CSMD1: variants seen among roughly 807,000 people sequenced by gnomAD.
CSMD1 encodes the protein CUB and Sushi multiple domains 1.
Under a neutral mutation model 417.5 loss-of-function variants are expected in CSMD1, and 213 were observed. The ratio of observed to expected loss-of-function variants is 0.51; its 90% CI spans 0.46 to 0.57. The LOEUF is 0.57. Among genes scored for constraint, CSMD1 ranks in the 20% least tolerant of loss-of-function variants. The pLI, the probability that CSMD1 is intolerant of heterozygous loss-of-function variation, is 0.00. For synonymous variants in CSMD1, 2,862 were observed against 1,736.8 expected (o/e 1.65, Z -16.11); for missense variants, 6,923 against 4,529.7 (o/e 1.53, Z -15.17).
intron 6 of CSMD1, among the ~76,000 whole-genome samples, chr8:3,737,265 T>G (rs995912223): frequency 1.3e-5 from 2 of 152,204 alleles, no homozygotes; most frequent in African/African-American, 4.8e-5. Flanking sequence ...TAATGGCCTA[T>G]AAGTTTATCT....
chr8:4,407,377 T>C (rs891436094), intron 3 of CSMD1, among the ~76,000 whole-genome samples: 1 of 152,246 alleles, frequency 6.6e-6, no homozygotes, highest in East Asian at 1.9e-4. Context: ...ATGACTCTTG[T>C]TTAACAGGCT....
At chr8:4,852,917 A>T (rs1161899972) in intron 1 of CSMD1, among the ~76,000 whole-genome samples, 1 of 152,150 alleles carries the variant, frequency 6.6e-6, no homozygotes, top group Non-Finnish European at 1.5e-5. Flanking sequence ...CTTAAGAATG[A>T]TGAGAGGGTA....
intron 7 of CSMD1, among the ~76,000 whole-genome samples, chr8:3,663,130 A>G (rs1453681585): frequency 3.3e-5 from 5 of 152,194 alleles, no homozygotes; most frequent in African/African-American, 9.7e-5. Flanking sequence ...TGGGGGCCTC[A>G]GGAGAGGCCG....
At chr8:3,331,033 C>T (rs570981722) in intron 23 of CSMD1, among the ~76,000 whole-genome samples, 2 of 152,044 alleles carry the variant, frequency 1.3e-5, no homozygotes, top group East Asian at 1.9e-4. Context: ...GGCGGATCAC[C>T]AGGTCAGGAT....
intron 3 of CSMD1, among the ~76,000 whole-genome samples, chr8:4,212,747 T>G (rs1254827057): frequency 8.6e-6 from 1 of 116,288 alleles, no homozygotes; most frequent in Non-Finnish European, 1.7e-5. Context: ...ACAGCGGCCT[T>G]ATTCTTTTTT....
chr8:4,065,357 T>C (rs1185717242), intron 3 of CSMD1, among the ~76,000 whole-genome samples: 5 of 152,338 alleles, frequency 3.3e-5, no homozygotes, highest in African/African-American at 9.6e-5. Context: ...ACCAAAGTCA[T>C]GGATAGTTAG....
intron 5 of CSMD1, among the ~76,000 whole-genome samples, chr8:3,816,308 T>C (rs948856287): frequency 6.6e-6 from 1 of 152,190 alleles, no homozygotes; most frequent in African/African-American, 2.4e-5. Flanking sequence ...GCAGTTTCCC[T>C]TGCTGTGTTT....
At chr8:3,191,777 T>C (rs1796440122) in intron 33 of CSMD1, among the ~76,000 whole-genome samples, 1 of 152,212 alleles carries the variant, frequency 6.6e-6, no homozygotes, top group African/African-American at 2.4e-5. Context: ...AGGCAAACTC[T>C]GAAAATAGTT....
chr8:3,538,689 T>C (rs1222672223), intron 10 of CSMD1, among the ~76,000 whole-genome samples: 1 of 152,252 alleles, frequency 6.6e-6, no homozygotes, highest in Non-Finnish European at 1.5e-5. Context: ...CAACGTGGCA[T>C]GGCCTGCCAT....
intron 1 of CSMD1, among the ~76,000 whole-genome samples, chr8:4,808,022 G>A (rs1440325378): frequency 6.6e-6 from 1 of 152,100 alleles, no homozygotes; most frequent in South Asian, 2.1e-4. Context: ...CATTGCTCTC[G>A]CCCATAGATA....
At chr8:3,952,856 A>G (rs940952045) in intron 5 of CSMD1, among the ~76,000 whole-genome samples, 7 of 152,238 alleles carry the variant, frequency 4.6e-5, no homozygotes, top group Non-Finnish European at 8.8e-5. Context: ...TGCAGTGAAA[A>G]TAAGAGCAAA....
At chr8:4,518,230 C>A (rs181529885) in intron 2 of CSMD1, among the ~76,000 whole-genome samples, 2 of 152,156 alleles carry the variant, frequency 1.3e-5, no homozygotes, top group East Asian at 1.9e-4. Flanking sequence ...ATAAATCTGG[C>A]CTTTTCATTT....
chr8:3,099,375 T>C (rs1180207327), intron 46 of CSMD1, among the ~76,000 whole-genome samples: 2 of 152,162 alleles, frequency 1.3e-5, no homozygotes, highest in East Asian at 3.9e-4. Context: ...CCTCATTTTG[T>C]AAGCTCAGGG....
At chr8:3,895,026 G>A (rs1335357047) in intron 5 of CSMD1, among the ~76,000 whole-genome samples, 1 of 152,140 alleles carries the variant, frequency 6.6e-6, no homozygotes, top group Admixed American at 6.5e-5. Context: ...GGCCATTTGT[G>A]AGGTATTTAT....
At chr8:3,791,634 G>C (rs1480752755) in intron 5 of CSMD1, among the ~76,000 whole-genome samples, 1 of 152,128 alleles carries the variant, frequency 6.6e-6, no homozygotes, top group South Asian at 2.1e-4. Context: ...GACCAGCCTG[G>C]TCAGCATGGC....
chr8:3,699,590 T>C (rs1312954393), intron 7 of CSMD1, among the ~76,000 whole-genome samples: 4 of 152,170 alleles, frequency 2.6e-5, no homozygotes, highest in Non-Finnish European at 5.9e-5. Context: ...TTTTGAAAGA[T>C]AGTGAATTTC....
intron 5 of CSMD1, among the ~76,000 whole-genome samples, chr8:3,972,441 T>A: frequency 6.6e-6 from 1 of 152,250 alleles, no homozygotes; most frequent in East Asian, 1.9e-4. Context: ...CTTTAGGTCT[T>A]TGTAAACAGT....
chr8:4,155,505 T>G (rs1291557602), intron 3 of CSMD1, among the ~76,000 whole-genome samples: 1 of 152,228 alleles, frequency 6.6e-6, no homozygotes, highest in Non-Finnish European at 1.5e-5. Context: ...AGTATCGTTC[T>G]TAAACGCCAA....
chr8:3,619,806 T>A (rs942747982), intron 7 of CSMD1, among the ~76,000 whole-genome samples: 3 of 152,220 alleles, frequency 2.0e-5, no homozygotes, highest in Non-Finnish European at 4.4e-5. Flanking sequence ...CTGGGCACGG[T>A]GGCTCACACA....
Sources: allele counts gnomAD v4.1 joint callset (sites outside exome capture counted in the v4.1 genomes callset), GRCh38; gene constraint gnomAD v4.1.1; transcripts MANE v1.5; gene names NCBI Gene and HGNC (gene_info 2026-07-23, HGNC 2026-07-21).